CCDC66: variants seen among roughly 807,000 people sequenced by gnomAD.
The protein encoded by CCDC66 is coiled-coil domain containing 66, also known as coiled-coil domain-containing protein 66.
CCDC66 carries 133 observed loss-of-function variants against 128.3 expected under a neutral mutation model. The observed-to-expected ratio is 1.04, with a 90% confidence interval of 0.90 to 1.20. The LOEUF (loss-of-function observed/expected upper bound fraction) is 1.20, where lower values mean the gene tolerates loss of function less well. Among genes scored for constraint, CCDC66 ranks in the 50% most tolerant of loss-of-function variants. CCDC66 has a pLI of 0.00. For missense variants in CCDC66, 1,126 were observed against 1,075.5 expected, an observed-to-expected ratio of 1.05 and a Z score of -0.66; for synonymous variants, 387 against 357.0, an observed-to-expected ratio of 1.08 and a Z score of -0.95.
intron 3 of CCDC66, chr3:56,561,407 G>T: frequency 2.8e-6 from 1 of 362,360 alleles, no homozygotes; most frequent in African/African-American, 2.1e-5. Context: ...TACTAGTCTT[G>T]GACTTTTGAT....
rs2075454330 is a variant in CCDC66, at chr3:56,616,035, G to GA, written c.1826dup (p.Asp609GlufsTer8). 1.3e-6 allele frequency: 2 copies of GA among 1,562,688 alleles called. No individual in the cohort carries two copies. The highest frequency in any genetic ancestry group is 1.7e-6 in the Non-Finnish European group (2 of 1,159,344). On this transcript the variant is annotated frameshift_variant, in exon 13 of 18. Transcript: ENST00000394672. LOFTEE classifies it high-confidence loss of function. ...TATGAATTCTACGACTTCTAAGAAG[G>GA]ATACTGGTGTGCAAACAGGTATTTG...
intron 17 of CCDC66, chr3:56,621,297 T>C: frequency 3.0e-6 from 1 of 332,130 alleles, no homozygotes; most frequent in Non-Finnish European, 5.5e-6. Context: ...GAGTCTTGAG[T>C]TCTAAGAAAA....
intron 7 of CCDC66, among the ~76,000 whole-genome samples, chr3:56,591,638 T>C (rs2070915709): frequency 6.6e-6 from 1 of 152,240 alleles, no homozygotes; most frequent in Admixed American, 6.5e-5. Flanking sequence ...TTTCTTGAGG[T>C]ATAAAAATTG....
chr3:56,593,598 CTG>C lies in CCDC66; in HGVS notation c.1180_1181del (p.Val394LeufsTer3). 6.2e-7 allele frequency: 1 copy of C among 1,614,186 alleles called. No individual in the cohort carries two copies. The highest frequency in any genetic ancestry group is 1.3e-5 in the African/African-American group (1 of 75,058). On this transcript the variant is annotated frameshift_variant, in exon 9 of 18. Coordinates refer to ENST00000394672, the MANE Select transcript of CCDC66 (RefSeq NM_001141947.3). LOFTEE classifies it high-confidence loss of function. ...QSTHKQPEYF[C>X]VSPDTQELAD... ...CAACACACAAACAACCTGAGTACTT[CTG>C]TGTCTCTCCTGACACTCAGGAGCTG...
chr3:56,587,668 C>T (rs371958337), intron 7 of CCDC66, among the ~76,000 whole-genome samples: 3 of 152,222 alleles, frequency 2.0e-5, no homozygotes, highest in South Asian at 2.1e-4. Flanking sequence ...GTCAGGAGTT[C>T]GAGACCAGCC....
chr3:56,615,995 T>TA lies in CCDC66; in HGVS notation c.1789dup (p.Met597AsnfsTer11). The TA allele has an allele frequency of 6.3e-7, 1 of 1,593,098 alleles. No homozygotes were observed. Among genetic ancestry groups the TA allele is most frequent in the Middle Eastern group, 1.7e-4 (1 of 5,988 alleles). Reference sequence around the variant, plus strand: ...GACATGATTCTGATGAAATCAGTGGTAAAATGAATACATATATGAATTCTA... The same window carrying TA: ...GACATGATTCTGATGAAATCAGTGGTAAAAATGAATACATATATGAATTCTA... On this transcript the variant is annotated frameshift_variant, in exon 13 of 18. Transcript: ENST00000394672. LOFTEE classifies it high-confidence loss of function.
At chr3:56,559,245 GAA>G (rs1422563268) in intron 2 of CCDC66, among the ~76,000 whole-genome samples, 19 of 152,002 alleles carry the variant, frequency 1.2e-4, no homozygotes, top group Non-Finnish European at 2.9e-5. Context: ...TATCATTTGA[GAA>G]AAGTTTATAG....
chr3:56,584,775 A>G (rs1268586270), intron 7 of CCDC66, among the ~76,000 whole-genome samples: 2 of 151,810 alleles, frequency 1.3e-5, no homozygotes, highest in African/African-American at 4.8e-5. Context: ...AGCCGAGATC[A>G]CTCCACTGCA....
chr3:56,617,873 G>A, intron 14 of CCDC66: 1 of 566,076 alleles, frequency 1.8e-6, no homozygotes, highest in Non-Finnish European at 3.1e-6. Context: ...AGCTGAAAAG[G>A]TTTCCTTATG....
chr3:56,558,492 T>A (rs1403340268), intron 1 of CCDC66, among the ~76,000 whole-genome samples: 2 of 152,232 alleles, frequency 1.3e-5, no homozygotes, highest in Non-Finnish European at 2.9e-5. Flanking sequence ...AACTAATGAA[T>A]GGCGGTTAAA....
chr3:56,573,960 T>TG (rs970207634), intron 7 of CCDC66, among the ~76,000 whole-genome samples: 2 of 151,434 alleles, frequency 1.3e-5, no homozygotes, highest in African/African-American at 4.8e-5. Context: ...TCAAAAGTTG[T>TG]GGGGGTTGAT....
chr3:56,592,579 G>C (rs1046425589), intron 7 of CCDC66, among the ~76,000 whole-genome samples: 2 of 150,410 alleles, frequency 1.3e-5, no homozygotes, highest in African/African-American at 4.9e-5. Flanking sequence ...GCCAGGGGCT[G>C]GCCTTGAACT....
At chr3:56,599,413 T>C (rs2072747391) in intron 10 of CCDC66, among the ~76,000 whole-genome samples, 1 of 152,076 alleles carries the variant, frequency 6.6e-6, no homozygotes, top group Admixed American at 6.5e-5. Context: ...TTAATTCTGC[T>C]CTAGTGTTTG....
At chr3:56,582,367 G>C (rs2068543380) in intron 7 of CCDC66, among the ~76,000 whole-genome samples, 1 of 151,764 alleles carries the variant, frequency 6.6e-6, no homozygotes, top group Non-Finnish European at 1.5e-5. Context: ...CTTCCAGGGT[G>C]AGGCGATGCC....
chr3:56,571,434 T>C lies in CCDC66; in HGVS notation c.936+132T>C, dbSNP rs957040971. On this transcript the variant is annotated intron_variant, in intron 7 of 17. Transcript: ENST00000394672. ...TTCTCTCTTGTTGCCCAGGCTGGAA[T>C]GCAGTGGCACAGTCTCAGCTCACTG... is the stretch of plus-strand genomic sequence containing the variant. 4.0e-5 allele frequency: 23 copies of C among 573,428 alleles called. No homozygotes were observed. In the African/African-American group the frequency reaches 4.5e-4, roughly 11 times the overall value. The allele number at this position is 573,428 out of a possible 1,614,324, so 35.5% of individuals were successfully genotyped here.
intron 8 of CCDC66, 78 bp from the exon 9 acceptor site, chr3:56,593,413 T>C (rs945758237): frequency 2.3e-5 from 34 of 1,506,076 alleles, no homozygotes; most frequent in Middle Eastern, 4.1e-4. Context: ...CTTTTAGAAA[T>C]CATCTTTGGT....
chr3:56,567,012 G>T lies in CCDC66; in HGVS notation c.773G>T (p.Ser258Ile). 6.2e-7 allele frequency: 1 copy of T among 1,614,128 alleles called. No individual in the cohort carries two copies. The highest frequency in any genetic ancestry group is 8.5e-7 in the Non-Finnish European group (1 of 1,179,988). Reference protein sequence around the residue: ...STLGERECDRSSLEAKKAQWR... With the variant: ...STLGERECDRISLEAKKAQWR... ...CTGGGGGAAAGGGAATGTGATAGAA[G>T]TTCGTTGGAAGCAAAAAAAGCCCAG... The change falls in exon 6 of 18, where the codon AGT becomes ATT. Residue 258 changes from serine (S) to isoleucine (I), a missense_variant. Coordinates refer to ENST00000394672, the MANE Select transcript of CCDC66 (RefSeq NM_001141947.3).
intron 3 of CCDC66, among the ~76,000 whole-genome samples, chr3:56,562,761 C>T (rs1293311982): frequency 6.6e-6 from 1 of 151,794 alleles, no homozygotes; most frequent in Admixed American, 6.6e-5. Flanking sequence ...GCCTCAGCCC[C>T]TCGAGTAGCT....
At chr3:56,600,598 CA>C (rs1436514371) in intron 10 of CCDC66, among the ~76,000 whole-genome samples, 1 of 152,060 alleles carries the variant, frequency 6.6e-6, no homozygotes, top group Admixed American at 6.5e-5. Context: ...CTCCCACCAA[CA>C]GTGTAAAAGC....
Sources: gnomAD v4.1 joint callset for allele counts (sites outside exome capture counted in the v4.1 genomes callset) on GRCh38, gnomAD v4.1.1 for gene constraint, MANE v1.5 for transcripts, NCBI Gene and HGNC (gene_info 2026-07-23, HGNC 2026-07-21) for gene names.